Variants in DOP1A observed in about 807,000 individuals in gnomAD.
The protein encoded by DOP1A is protein DOP1A.
In DOP1A, 90 loss-of-function variants were observed where a neutral mutation model predicts 267.6. The ratio of observed to expected loss-of-function variants is 0.34; its 90% CI spans 0.28 to 0.40. DOP1A has a LOEUF of 0.40. DOP1A is among the 10% of genes least tolerant of loss of function. DOP1A has a pLI of 1.00. For missense variants in DOP1A, 2,437 were observed against 2,900.4 expected (o/e 0.84, Z 3.67); for synonymous variants, 932 against 999.1 (o/e 0.93, Z 1.27).
intron 1 of DOP1A, among the ~76,000 whole-genome samples, chr6:83,075,039 T>C (rs1766836755): frequency 6.6e-6 from 1 of 152,244 alleles, no homozygotes; most frequent in Non-Finnish European, 1.5e-5. Context: ...TTAGTTTCGT[T>C]GTGTGTTCTT....
At chr6:83,070,711 A>G (rs1208429371) in intron 1 of DOP1A, among the ~76,000 whole-genome samples, 1 of 106,324 alleles carries the variant, frequency 9.4e-6, no homozygotes, top group Non-Finnish European at 1.9e-5. Context: ...TCCTCTTCTG[A>G]CTTTCCTTTT....
chr6:83,128,671 T>G (rs1777566741), intron 15 of DOP1A, among the ~76,000 whole-genome samples: 1 of 152,154 alleles, frequency 6.6e-6, no homozygotes, highest in Non-Finnish European at 1.5e-5. Flanking sequence ...ATATATGTAT[T>G]TTTGTCCTCA....
chr6:83,152,268 TA>T lies in DOP1A; in HGVS notation c.6050-18del, dbSNP rs761064067. The T allele has an allele frequency of 6.8e-7, 1 of 1,466,484 alleles. No homozygotes were observed. The highest frequency in any genetic ancestry group is 1.3e-5 in the South Asian group (1 of 77,974). 90.8% of individuals were successfully genotyped at this position (1,466,484 alleles called of 1,614,324 possible). On this transcript the variant is annotated intron_variant, in intron 29 of 38. Transcript: ENST00000349129. ...TTTCAGTGGGAATTAGCCATATCTT[TA>T]ATTTTCTCTTATTTATAGATATGTT...
At chr6:83,148,060 T>A (rs117286159) in intron 26 of DOP1A, among the ~76,000 whole-genome samples, 1 of 152,278 alleles carries the variant, frequency 6.6e-6, no homozygotes, top group Non-Finnish European at 1.5e-5. Flanking sequence ...TTACTGCAGT[T>A]GTATTTTACT....
At chr6:83,068,435 A>G (rs1192963129) in intron 1 of DOP1A, among the ~76,000 whole-genome samples, 3 of 152,200 alleles carry the variant, frequency 2.0e-5, no homozygotes, top group African/African-American at 7.2e-5. Flanking sequence ...GGGGCGGGGA[A>G]TGGCACACAA....
intron 1 of DOP1A, among the ~76,000 whole-genome samples, chr6:83,069,471 TA>T: frequency 6.6e-6 from 1 of 152,212 alleles, no homozygotes; most frequent in Non-Finnish European, 1.5e-5. Context: ...TCTTAGAATA[TA>T]ATTACATAGA....
chr6:83,071,366 C>G (rs937683044), intron 1 of DOP1A, among the ~76,000 whole-genome samples: 1 of 152,090 alleles, frequency 6.6e-6, no homozygotes, highest in African/African-American at 2.4e-5. Flanking sequence ...ACCATCACAC[C>G]GGGCTAACTT....
intron 27 of DOP1A, among the ~76,000 whole-genome samples, chr6:83,150,650 G>T (rs1184455964): frequency 1.3e-5 from 2 of 152,090 alleles, no homozygotes; most frequent in Admixed American, 6.6e-5. Context: ...GGAAGTAATT[G>T]TGCATATAAT....
At chr6:83,169,285 T>C, downstream of DOP1A, 1 of 1,614,024 alleles carries the variant, frequency 6.2e-7, no homozygotes, top group Non-Finnish European at 8.5e-7. Context: ...GCTGAAATAC[T>C]GCCAAGCTCA....
rs775208746 is a variant in DOP1A, at chr6:83,137,562, C to G, written c.3520C>G (p.Gln1174Glu). The part of the protein sequence containing the change: ...LEVESASVTS[Q>E]LEIEAMPPKC... ...AGTGGAATCTGCATCAGTTACATCT[C>G]AATTAGAAATTGAAGCTATGCCCCC... The change falls in exon 21 of 39, where the codon CAA becomes GAA. Residue 1174 changes from glutamine to glutamate, a missense_variant. Coordinates refer to ENST00000349129, the MANE Select transcript of DOP1A (RefSeq NM_015018.4). 2 of 1,613,808 alleles carry G rather than the reference C, an allele frequency of 1.2e-6. No homozygotes were observed. Among genetic ancestry groups the G allele is most frequent in the South Asian group, 2.2e-5 (2 of 91,072 alleles).
chr6:83,115,885 TGGG>T (rs1775358083), intron 7 of DOP1A, among the ~76,000 whole-genome samples: 1 of 152,210 alleles, frequency 6.6e-6, no homozygotes, highest in Admixed American at 6.5e-5. Context: ...CAAAATAAGA[TGGG>T]GAGACATTTG....
chr6:83,130,502 T>C, intron 17 of DOP1A, 105 bp downstream of exon 17: 2 of 1,359,938 alleles, frequency 1.5e-6, no homozygotes, highest in Non-Finnish European at 2.0e-6. Flanking sequence ...TAAAGCTTCA[T>C]TTAAACACCT....
Position 83,152,246 on chromosome 6 carries a change from CA to C in DOP1A, c.6050-41del, listed in dbSNP as rs530722631. ...CACACACACACATAAAATTTATTTT[CA>C]GTGGGAATTAGCCATATCTTTAATT... On this transcript the variant is annotated intron_variant, in intron 29 of 38. Transcript: ENST00000349129. 2.8e-3 allele frequency: 3,241 copies of C among 1,177,178 alleles called. 6 individuals carry two copies. Among genetic ancestry groups the C allele is most frequent in the Non-Finnish European group, 3.7e-3 (3,010 of 824,608 alleles). The allele number at this position is 1,177,178 out of a possible 1,614,324, so 72.9% of individuals were successfully genotyped here.
In DOP1A at chr6:83,134,237, G is replaced by A. The variant is rs375709651; in HGVS notation, c.2820G>A (p.Thr940=). The part of the protein sequence containing the change: ...HAKFAVLWHL[T]RDLHINKSSS... ...AGTTTGCAGTTCTTTGGCATCTAAC[G>A]AGAGATCTCCATATAAATAAATCTT... Residue 940 remains threonine (T), a synonymous_variant, in exon 19 of 39, where the codon ACG becomes ACA. Coordinates refer to ENST00000349129, the MANE Select transcript of DOP1A (RefSeq NM_015018.4). The A allele has an allele frequency of 9.3e-6, 15 of 1,612,734 alleles. No homozygotes were observed. The highest frequency in any genetic ancestry group is 4.4e-5 in the South Asian group (4 of 90,980).
intron 3 of DOP1A, among the ~76,000 whole-genome samples, chr6:83,097,898 C>A (rs1320461827): frequency 2.0e-5 from 3 of 147,048 alleles, no homozygotes; most frequent in East Asian, 2.0e-4. Context: ...ATTTTATTTT[C>A]ATTTATTTTA....
chr6:83,153,016 C>G (rs1464939698), intron 30 of DOP1A, among the ~76,000 whole-genome samples: 1 of 152,088 alleles, frequency 6.6e-6, no homozygotes, highest in East Asian at 1.9e-4. Context: ...CTTTTTTATA[C>G]CCTATTATAC....
At chr6:83,147,960 C>T (rs536683311) in intron 26 of DOP1A, among the ~76,000 whole-genome samples, 3 of 152,098 alleles carry the variant, frequency 2.0e-5, no homozygotes, top group Admixed American at 6.5e-5. Flanking sequence ...GAGGTAGAGA[C>T]GTACAAGGTG....
chr6:83,115,596 C>T (rs1287153244), intron 7 of DOP1A, among the ~76,000 whole-genome samples: 3 of 151,990 alleles, frequency 2.0e-5, no homozygotes, highest in Non-Finnish European at 2.9e-5. Context: ...TGGTGGCGGG[C>T]GCCTGTAGTC....
Position 83,154,033 on chromosome 6 carries a change from T to C in DOP1A, c.6379T>C (p.Cys2127Arg). The stretch of plus-strand genomic sequence containing the variant: ...CAGTTTCTTTCAGATGGATGCCTCT[T>C]GTGTTAATCAGTAAGTTGCCCTCTT... ...DPSFFQMDAS[C>R]VNHWRAIMDN... Residue 2127 changes from cysteine to arginine, a missense_variant, in exon 32 of 39, where the codon TGT (cysteine) becomes CGT (arginine). Cys to Arg is a radical substitution (Grantham distance 180). Around this residue, in one of 9 missense-constraint regions of DOP1A, gnomAD observed 216 missense variants for 283.3 expected, o/e 0.76. Transcript: ENST00000349129. The C allele has an allele frequency of 6.2e-7, 1 of 1,614,008 alleles. No individual in the cohort carries two copies. The highest frequency in any genetic ancestry group is 8.5e-7 in the Non-Finnish European group (1 of 1,179,976).
Sources: gnomAD v4.1 joint callset for allele counts (sites outside exome capture counted in the v4.1 genomes callset) on GRCh38, gnomAD v4.1.1 for gene constraint, gnomAD v4.1.1 regional missense constraint, MANE v1.5 for transcripts, NCBI Gene and HGNC (gene_info 2026-07-23, HGNC 2026-07-21) for gene names.